Variants in DEPDC5 observed in about 807,000 individuals in gnomAD.
DEPDC5 encodes DEP domain containing 5, GATOR1 subcomplex subunit.
In DEPDC5, 73 loss-of-function variants were observed where a neutral mutation model predicts 217.3. That is an observed-to-expected ratio of 0.34 (90% CI 0.28 to 0.41). The LOEUF (loss-of-function observed/expected upper bound fraction) is 0.41, where lower values mean the gene tolerates loss of function less well. Among genes scored for constraint, DEPDC5 ranks in the 10% least tolerant of loss-of-function variants. The probability of loss-of-function intolerance (pLI) is 1.00; values close to 1 mark genes in which losing one functional copy is unlikely to be tolerated. For synonymous variants in DEPDC5, 733 were observed against 756.7 expected, an observed-to-expected ratio of 0.97 and a Z score of 0.51; for missense variants, 1,675 against 2,070.1, an observed-to-expected ratio of 0.81 and a Z score of 3.70.
chr22:31,809,805 C>T (rs2088039000), intron 19 of DEPDC5, among the ~76,000 whole-genome samples, 158 bp downstream of exon 19: 1 of 152,068 alleles, frequency 6.6e-6, no homozygotes, highest in South Asian at 2.1e-4. Context: ...CATGGTGAAA[C>T]CCTGTCTCTA....
chr22:31,858,350 A>C (rs2092382901), intron 32 of DEPDC5: 1 of 114,542 alleles, frequency 8.7e-6, no homozygotes, highest in African/African-American at 4.1e-5. Context: ...TACAATAAAG[A>C]AGCCAAAAAC....
intron 32 of DEPDC5, chr22:31,858,805 T>G (rs868784169): frequency 2.3e-4 from 35 of 152,218 alleles, no homozygotes; most frequent in African/African-American, 8.0e-4. Flanking sequence ...TATTCTACAG[T>G]ATACCACAGT....
chr22:31,897,368 G>A (rs1434804089), intron 39 of DEPDC5, 114 bp from the exon 40 acceptor site: 2 of 1,328,506 alleles, frequency 1.5e-6, no homozygotes, highest in Non-Finnish European at 2.1e-6. Flanking sequence ...GAATAAATGA[G>A]CATGCAAATC....
chr22:31,834,751 G>T (rs2090867350), intron 25 of DEPDC5, among the ~76,000 whole-genome samples: 1 of 151,240 alleles, frequency 6.6e-6, no homozygotes, highest in South Asian at 2.1e-4. Flanking sequence ...TCCTAACCTC[G>T]TGATCCTGAC....
chr22:31,898,766 A>T (rs566514401), intron 40 of DEPDC5, among the ~76,000 whole-genome samples: 40 of 152,262 alleles, frequency 2.6e-4, no homozygotes, highest in African/African-American at 9.1e-4. Flanking sequence ...TTATAGACAC[A>T]ATGTTCTAAG....
At chr22:31,899,847 G>A (rs1383209087) in intron 40 of DEPDC5, among the ~76,000 whole-genome samples, 4 of 152,058 alleles carry the variant, frequency 2.6e-5, no homozygotes, top group Non-Finnish European at 4.4e-5. Context: ...AGAGCAGCCC[G>A]GACTCTGTCC....
At chr22:31,804,268 A>T in intron 16 of DEPDC5, 45 bp downstream of exon 16, 1 of 1,596,074 alleles carries the variant, frequency 6.3e-7, no homozygotes, top group Non-Finnish European at 8.6e-7. Flanking sequence ...GTTGGAGTAT[A>T]GTTAGAAAGA....
chr22:31,812,486 G>A (rs1334528070), intron 20 of DEPDC5, among the ~76,000 whole-genome samples: 17 of 142,448 alleles, frequency 1.2e-4, no homozygotes, highest in African/African-American at 1.1e-4. Flanking sequence ...GTGTAGTGGC[G>A]CGATCTCGGC....
rs73162151 is a variant in DEPDC5 at position 31,790,711 on chromosome 22, G to A, written c.625-1322G>A. ...AGTGGATCACTTGAGCCCAGCCTGG[G>A]GATTATGATGAAACCCTATCTCTCT... On this transcript the variant is annotated intron_variant, in intron 10 of 42. Coordinates refer to ENST00000651528, the MANE Select transcript of DEPDC5 (RefSeq NM_001242896.3). Among the ~76,000 whole-genome samples, 880 of 151,998 alleles carry A rather than the reference G, an allele frequency of 5.8e-3. 3 individuals are homozygous for A. The highest frequency in any genetic ancestry group is 0.011 in the Non-Finnish European group (718 of 67,968).
chr22:31,877,902 A>G (rs2093049978), intron 37 of DEPDC5, among the ~76,000 whole-genome samples: 1 of 151,898 alleles, frequency 6.6e-6, no homozygotes, highest in Admixed American at 6.6e-5. Flanking sequence ...AAAGAATCAA[A>G]CATGGCCGGG....
At chr22:31,787,962 T>C (rs372758316) in intron 10 of DEPDC5, among the ~76,000 whole-genome samples, 1 of 152,116 alleles carries the variant, frequency 6.6e-6, no homozygotes, top group Non-Finnish European at 1.5e-5. Flanking sequence ...AAAACCCTAA[T>C]TGACAAATGG....
intron 27 of DEPDC5, among the ~76,000 whole-genome samples, chr22:31,840,205 G>A (rs1004278271): frequency 2.0e-5 from 3 of 152,184 alleles, no homozygotes; most frequent in Non-Finnish European, 2.9e-5. Flanking sequence ...GTCATGGACA[G>A]CTTCCCTGAG....
chr22:31,818,158 T>C (rs1364233819), intron 21 of DEPDC5, among the ~76,000 whole-genome samples: 2 of 152,212 alleles, frequency 1.3e-5, no homozygotes, highest in African/African-American at 4.8e-5. Flanking sequence ...ATGCTGTCTC[T>C]GTCTCCATAA....
At chr22:31,796,871 AT>A (rs1050195525) in intron 12 of DEPDC5, among the ~76,000 whole-genome samples, 1 of 151,358 alleles carries the variant, frequency 6.6e-6, no homozygotes, top group Non-Finnish European at 1.5e-5. Flanking sequence ...TAATTTTTGT[AT>A]TTTTAGTAGA....
intron 8 of DEPDC5, 60 bp downstream of exon 8, chr22:31,778,228 A>G: frequency 6.5e-7 from 1 of 1,538,964 alleles, no homozygotes; most frequent in Non-Finnish European, 9.0e-7. Flanking sequence ...GCTAAGTCCT[A>G]AAATCAAAAA....
chr22:31,783,185 G>T (rs1404336795), intron 8 of DEPDC5, among the ~76,000 whole-genome samples: 1 of 152,164 alleles, frequency 6.6e-6, no homozygotes, highest in Admixed American at 6.5e-5. Flanking sequence ...GCAGGACATG[G>T]GTGTGGACAA....
chr22:31,901,644 C>A, intron 40 of DEPDC5, 98 bp from the exon 41 acceptor site: 2 of 1,043,930 alleles, frequency 1.9e-6, no homozygotes, highest in Non-Finnish European at 2.9e-6. Context: ...CTCAAGGGGA[C>A]TGATTGCCAA....
chr22:31,869,479 C>T (rs1276466816), intron 33 of DEPDC5, among the ~76,000 whole-genome samples: 1 of 149,922 alleles, frequency 6.7e-6, no homozygotes, highest in Non-Finnish European at 1.5e-5. Flanking sequence ...GCAGGAGAAT[C>T]GCTTGAACCC....
chr22:31,834,235 C>A, intron 25 of DEPDC5: 2 of 491,162 alleles, frequency 4.1e-6, no homozygotes, highest in South Asian at 2.5e-5. Context: ...CCCTATAAGG[C>A]CCCCATGCTG....
Sources: gnomAD v4.1 joint callset for allele counts (sites outside exome capture counted in the v4.1 genomes callset) on GRCh38, gnomAD v4.1.1 for gene constraint, MANE v1.5 for transcripts, NCBI Gene and HGNC (gene_info 2026-07-23, HGNC 2026-07-21) for gene names.